DPP10: variants seen among roughly 807,000 people sequenced by gnomAD.
DPP10 encodes inactive dipeptidyl peptidase 10.
DPP10 carries 33 observed loss-of-function variants against 120.9 expected under a neutral mutation model. That is an observed-to-expected ratio of 0.27 (90% CI 0.21 to 0.37). DPP10 has a LOEUF of 0.37. Among genes scored for constraint, DPP10 ranks in the 10% least tolerant of loss-of-function variants. DPP10 has a pLI of 1.00. For missense variants in DPP10, 816 were observed against 942.8 expected, an observed-to-expected ratio of 0.87 and a Z score of 1.76; for synonymous variants, 337 against 326.1, an observed-to-expected ratio of 1.03 and a Z score of -0.36.
At chr2:115,342,921 C>G (rs867284110) in intron 2 of DPP10, among the ~76,000 whole-genome samples, 23 of 152,150 alleles carry the variant, frequency 1.5e-4, no homozygotes, top group African/African-American at 5.5e-4. Flanking sequence ...AAGCAAAGCT[C>G]TTGCTGTAAC....
At chr2:115,840,673 C>A in intron 24 of DPP10, 77 bp from the exon 25 acceptor site, 1 of 1,433,820 alleles carries the variant, frequency 7.0e-7, no homozygotes, top group African/African-American at 1.4e-5. Context: ...AACACTGAAT[C>A]TCTTTGAAAA....
At chr2:115,756,608 A>G (rs1490799262) in intron 11 of DPP10, among the ~76,000 whole-genome samples, 1 of 152,180 alleles carries the variant, frequency 6.6e-6, no homozygotes, top group Non-Finnish European at 1.5e-5. Flanking sequence ...CATAAATTTA[A>G]TTCATAATTA....
chr2:115,250,737 G>T (rs1238476301), intron 1 of DPP10, among the ~76,000 whole-genome samples: 1 of 152,134 alleles, frequency 6.6e-6, no homozygotes, highest in Non-Finnish European at 1.5e-5. Context: ...AAGAGTGCTT[G>T]AGTGGTATTG....
intron 3 of DPP10, among the ~76,000 whole-genome samples, chr2:115,442,446 G>A (rs537949779): frequency 1.1e-4 from 16 of 151,908 alleles, no homozygotes; most frequent in South Asian, 4.2e-4. Flanking sequence ...CTGAGTTAGC[G>A]TAATTCCTGA....
intron 3 of DPP10, among the ~76,000 whole-genome samples, chr2:115,372,994 T>C (rs2065524495): frequency 6.6e-6 from 1 of 152,216 alleles, no homozygotes; most frequent in South Asian, 2.1e-4. Context: ...GATATTGTGA[T>C]AAATATTATG....
chr2:114,762,269 C>T (rs1013919952), intron 1 of DPP10, among the ~76,000 whole-genome samples: 15 of 152,220 alleles, frequency 9.9e-5, no homozygotes, highest in African/African-American at 3.6e-4. Flanking sequence ...GTCTATGCCT[C>T]TTCTACATCT....
chr2:115,794,644 G>A (rs1684346941), intron 19 of DPP10, among the ~76,000 whole-genome samples: 1 of 151,980 alleles, frequency 6.6e-6, no homozygotes, highest in Non-Finnish European at 1.5e-5. Flanking sequence ...GTTTGCTGTG[G>A]TCTCTACGGA....
At chr2:114,779,291 G>A (rs948752351) in intron 1 of DPP10, among the ~76,000 whole-genome samples, 4 of 152,148 alleles carry the variant, frequency 2.6e-5, no homozygotes, top group Admixed American at 2.0e-4. Context: ...GAAAAAACAG[G>A]CAACCAGACT....
In DPP10 at chr2:114,453,540, A is replaced by G. The variant is rs368830440; in HGVS notation, c.60+10702A>G. On this transcript the variant is annotated intron_variant, in intron 1 of 25. Transcript: ENST00000410059. Reference sequence around the variant, plus strand: ...CAATTATGTCTTCTCTGCTACATCTAGGGATTTGAAGTTCTTATACCTTCA... The same window carrying G: ...CAATTATGTCTTCTCTGCTACATCTGGGGATTTGAAGTTCTTATACCTTCA... 4.6e-5 allele frequency among the ~76,000 whole-genome samples: 7 copies of G among 152,250 alleles called. No individual in the cohort carries two copies. The East Asian group carries it at 1.4e-3, about 29-fold the overall frequency.
intron 1 of DPP10, among the ~76,000 whole-genome samples, chr2:114,621,318 C>T (rs1245913254): frequency 6.6e-6 from 1 of 152,096 alleles, no homozygotes; most frequent in African/African-American, 2.4e-5. Flanking sequence ...GTAAAGCTCA[C>T]CTTTGTTAAT....
chr2:114,733,567 T>C lies in DPP10; in HGVS notation c.60+290729T>C, dbSNP rs72957610. On this transcript the variant is annotated intron_variant, in intron 1 of 25. Transcript: ENST00000410059. ...CTTTTGCTAGAGAGAGTTTGTTCTT[T>C]TGTTTAAAATGCCTGAGCTGATAAG... Among the ~76,000 whole-genome samples, 838 of 152,266 alleles carry C rather than the reference T, an allele frequency of 5.5e-3. 9 individuals are homozygous for C. The highest frequency in any genetic ancestry group is 0.019 in the African/African-American group (807 of 41,548).
At chr2:114,512,972 C>T (rs568627006) in intron 1 of DPP10, among the ~76,000 whole-genome samples, 2 of 151,820 alleles carry the variant, frequency 1.3e-5, no homozygotes, top group East Asian at 3.9e-4. Context: ...CAAGGAGTTG[C>T]ATTTTACTGC....
chr2:115,632,177 G>A (rs562187544), intron 5 of DPP10, among the ~76,000 whole-genome samples: 55 of 152,204 alleles, frequency 3.6e-4, no homozygotes, highest in African/African-American at 1.3e-3. Flanking sequence ...GCCCTTCTTT[G>A]TCTTTTTTGA....
intron 3 of DPP10, among the ~76,000 whole-genome samples, chr2:115,463,016 T>G (rs940327763): frequency 7.2e-5 from 11 of 152,166 alleles, no homozygotes; most frequent in Non-Finnish European, 1.5e-5. Context: ...AGGTGTTAGC[T>G]GCTGCGCCCA....
chr2:115,836,535 G>A lies in DPP10; in HGVS notation c.2079G>A (p.Gly693=), dbSNP rs778971764. ...CAGCTTTCTCTGAAAGATACCTTGG[G>A]ATGCCATCTAAGGAAGAAAGCACTT... ...YASAFSERYL[G]MPSKEESTYQ... Residue 693 remains glycine (G), a synonymous_variant, in exon 23 of 26, where the codon GGG becomes GGA. Transcript: ENST00000410059. 1 of 1,613,704 alleles carries A rather than the reference G, an allele frequency of 6.2e-7. No homozygotes were observed. The highest frequency in any genetic ancestry group is 8.5e-7 in the Non-Finnish European group (1 of 1,179,844).
At chr2:115,442,389 G>GTGCA (rs2072161717) in intron 3 of DPP10, among the ~76,000 whole-genome samples, 1 of 151,398 alleles carries the variant, frequency 6.6e-6, no homozygotes, top group Admixed American at 6.6e-5. Flanking sequence ...GTGTGTGTGC[G>GTGCA]TGTGTCGTTT....
At chr2:114,500,561 C>T (rs1235314338) in intron 1 of DPP10, among the ~76,000 whole-genome samples, 2 of 152,126 alleles carry the variant, frequency 1.3e-5, no homozygotes, top group Non-Finnish European at 2.9e-5. Flanking sequence ...GTCAGCCTAA[C>T]GGCAGTAAAA....
Position 115,754,524 on chromosome 2 carries a change from G to C in DPP10, c.1074+1227G>C, listed in dbSNP as rs189733163. 3.3e-3 allele frequency among the ~76,000 whole-genome samples: 499 copies of C among 152,186 alleles called. 1 individual carries two copies. Among genetic ancestry groups the C allele is most frequent in the Non-Finnish European group, 6.1e-3 (414 of 67,988 alleles). ...CCAGAAAGAAAGCACATTAGAAGTAGGGCTAGTCTAGACACCTTCTAATCA... is the reference window on the plus strand; with the variant it reads ...CCAGAAAGAAAGCACATTAGAAGTACGGCTAGTCTAGACACCTTCTAATCA... On this transcript the variant is annotated intron_variant, in intron 11 of 25. Transcript: ENST00000410059.
At chr2:115,157,942 A>C (rs2052034762) in intron 1 of DPP10, among the ~76,000 whole-genome samples, 1 of 152,212 alleles carries the variant, frequency 6.6e-6, no homozygotes, top group Non-Finnish European at 1.5e-5. Flanking sequence ...GAGAAGGAAA[A>C]TGCAGTGAGG....
Sources: gnomAD v4.1 joint callset for allele counts (sites outside exome capture counted in the v4.1 genomes callset) on GRCh38, gnomAD v4.1.1 for gene constraint, MANE v1.5 for transcripts, NCBI Gene and HGNC (gene_info 2026-07-23, HGNC 2026-07-21) for gene names.